Variants in APLP2 observed in about 807,000 individuals in gnomAD.
APLP2 encodes CDEI box-binding protein.
A neutral mutation model predicts 89.9 loss-of-function variants in APLP2; 53 were observed. The ratio of observed to expected loss-of-function variants is 0.59; its 90% CI spans 0.47 to 0.74. APLP2 has a LOEUF of 0.74. Ranked by LOEUF, APLP2 falls within the 30% of genes least tolerant of loss-of-function variation. The probability of loss-of-function intolerance (pLI) is 0.00; values close to 1 mark genes in which losing one functional copy is unlikely to be tolerated. For synonymous variants in APLP2, 372 were observed against 348.6 expected (o/e 1.07, Z -0.75); for missense variants, 973 against 975.9 (o/e 1.00, Z 0.04).
intron 1 of APLP2, among the ~76,000 whole-genome samples, chr11:130,088,584 T>TA (rs2135493425): frequency 6.6e-6 from 1 of 152,196 alleles, no homozygotes; most frequent in South Asian, 2.1e-4. Context: ...TCTGCTTCAC[T>TA]AACTTTAAAT....
chr11:130,097,241 G>C (rs1946328249), intron 1 of APLP2, among the ~76,000 whole-genome samples: 1 of 152,180 alleles, frequency 6.6e-6, no homozygotes, highest in Non-Finnish European at 1.5e-5. Context: ...CTAATAAAAT[G>C]TTTAGCGGAA....
intron 16 of APLP2, 117 bp downstream of exon 16, chr11:130,142,191 G>A: frequency 1.7e-6 from 2 of 1,167,858 alleles, no homozygotes; most frequent in South Asian, 2.1e-5. Flanking sequence ...GCTGTTATCA[G>A]TTCAGTTACT....
rs78214753 is a variant in APLP2 at position 130,077,105 on chromosome 11, A to G, written c.105+7023A>G. On this transcript the variant is annotated intron_variant, in intron 1 of 16. Coordinates refer to ENST00000338167, the MANE Select transcript of APLP2 (RefSeq NM_001142276.2). ...CTACAGGGGCATTCCCTGTCTGGGA[A>G]GTTATGTAGCTGGGATGGCTGAAAG... Among the ~76,000 whole-genome samples the G allele has an allele frequency of 1.8e-4, 27 of 152,350 alleles. No homozygotes were observed. The East Asian group carries it at 5.2e-3, about 29-fold the overall frequency.
At chr11:130,074,630 T>TA (rs1289128658) in intron 1 of APLP2, among the ~76,000 whole-genome samples, 4 of 152,206 alleles carry the variant, frequency 2.6e-5, no homozygotes, top group Non-Finnish European at 5.9e-5. Context: ...GTAAGAAATT[T>TA]AAAAGTACAG....
intron 12 of APLP2, 67 bp from the exon 13 acceptor site, chr11:130,135,496 G>C: frequency 3.0e-5 from 47 of 1,556,880 alleles, no homozygotes; most frequent in Non-Finnish European, 4.1e-5. Flanking sequence ...GAGCTCTAGA[G>C]CATCCTGTGC....
intron 1 of APLP2, chr11:130,070,752 G>A (rs1018658590): frequency 1.4e-6 from 2 of 1,428,022 alleles, no homozygotes; most frequent in African/African-American, 1.5e-5. Flanking sequence ...CTCTGGGTGC[G>A]TTGACCGCTT....
At chr11:130,070,453 G>A (rs912135386) in intron 1 of APLP2, 1 of 592,802 alleles carries the variant, frequency 1.7e-6, no homozygotes, top group Non-Finnish European at 2.2e-6. Flanking sequence ...CTCTCCCGCC[G>A]GAGTCCGCGG....
rs1950429533 is a variant in APLP2 at position 130,126,895 on chromosome 11, G to C, written c.1221+65G>C. 2.5e-6 allele frequency: 4 copies of C among 1,596,656 alleles called. No individual in the cohort carries two copies. In the South Asian group the frequency reaches 3.3e-5, roughly 13 times the overall value. On this transcript the variant is annotated intron_variant, in intron 8 of 16. Coordinates refer to ENST00000338167, the MANE Select transcript of APLP2 (RefSeq NM_001142276.2). The stretch of plus-strand genomic sequence containing the variant: ...TTTGGGTAGCATGGTTCTCATAGCT[G>C]AAGAAAAGTAATAGCTTCTCCCTAG...
chr11:130,105,285 G>A (rs919494216), intron 1 of APLP2, among the ~76,000 whole-genome samples: 25 of 152,132 alleles, frequency 1.6e-4, no homozygotes, highest in Admixed American at 9.2e-4. Flanking sequence ...GTGTGATGGC[G>A]CATGCCTGTG....
At position 130,141,554 on chromosome 11, in the gene APLP2, A is replaced by G. The variant is rs1952393790; in HGVS notation, c.1980A>G (p.Gly660=). The G allele has an allele frequency of 6.2e-7, 1 of 1,613,986 alleles. No individual in the cohort carries two copies. The highest frequency in any genetic ancestry group is 1.3e-5 in the African/African-American group (1 of 74,994). Reference sequence around the variant, plus strand: ...TGATTTTCAATGCCGAGAGAGTTGGAGGCCTCGAGGAAGAGCGGGTACGTG... The same window carrying G: ...TGATTTTCAATGCCGAGAGAGTTGGGGGCCTCGAGGAAGAGCGGGTACGTG... The part of the protein sequence containing the change: ...KEMIFNAERV[G]GLEEERESVG... Residue 660 remains glycine, a synonymous_variant, in exon 15 of 17, where the codon GGA becomes GGG. Transcript: ENST00000338167. This position sits in a 1 kb window ranked among gnomAD's most constrained non-coding sequence, Gnocchi z 4.2.
At chr11:130,128,854 G>A (rs76221604) in intron 9 of APLP2, among the ~76,000 whole-genome samples, 194 bp from the exon 10 acceptor site, 1,627 of 152,284 alleles carry the variant, frequency 0.011, 28 homozygotes, top group African/African-American at 0.037. Flanking sequence ...CTTTAAAGAA[G>A]GAAGTAATTC....
chr11:130,071,466 C>T (rs546909390), intron 1 of APLP2, among the ~76,000 whole-genome samples: 153 of 150,366 alleles, frequency 1.0e-3, no homozygotes, highest in African/African-American at 3.4e-3. Context: ...ATCTGTGATC[C>T]CTGATATGTC....
At chr11:130,124,433 T>C (rs999288890) in intron 7 of APLP2, among the ~76,000 whole-genome samples, 15 of 152,184 alleles carry the variant, frequency 9.9e-5, no homozygotes, top group Non-Finnish European at 2.1e-4. Context: ...GGTCAGTGGT[T>C]CAGTTGAGTT....
At chr11:130,099,503 G>A (rs1460274516) in intron 1 of APLP2, among the ~76,000 whole-genome samples, 2 of 152,266 alleles carry the variant, frequency 1.3e-5, no homozygotes, top group African/African-American at 4.8e-5. Flanking sequence ...GATCACAGAA[G>A]TGTTTTGATA....
chr11:130,115,948 T>C (rs2135877579), intron 3 of APLP2, among the ~76,000 whole-genome samples: 1 of 152,330 alleles, frequency 6.6e-6, no homozygotes, highest in South Asian at 2.1e-4. Context: ...GTTTCTGTAC[T>C]AAGTTAACTG....
At chr11:130,132,091 C>G (rs1950987502) in intron 11 of APLP2, among the ~76,000 whole-genome samples, 1 of 152,162 alleles carries the variant, frequency 6.6e-6, no homozygotes, top group South Asian at 2.1e-4. Context: ...AATTTGCAGT[C>G]TCCCGCTCTG....
intron 1 of APLP2, among the ~76,000 whole-genome samples, chr11:130,093,821 G>T (rs7111001): frequency 0.019 from 2,876 of 151,016 alleles, 23 homozygotes; most frequent in South Asian, 0.032. Context: ...TCACGTCACC[G>T]CAACCTCCGC....
intron 1 of APLP2, among the ~76,000 whole-genome samples, chr11:130,075,479 C>T (rs1352613852): frequency 6.6e-6 from 1 of 152,058 alleles, no homozygotes; most frequent in East Asian, 1.9e-4. Context: ...GTAGTAAAAC[C>T]AAATGTGGAT....
Position 130,143,547 on chromosome 11 carries a change from G to A in APLP2, c.*99G>A, listed in dbSNP as rs1489555214. The A allele has an allele frequency of 2.0e-6, 2 of 980,950 alleles. No homozygotes were observed. The highest frequency in any genetic ancestry group is 3.2e-6 in the Non-Finnish European group (2 of 618,628). 60.8% of individuals were successfully genotyped at this position (980,950 alleles called of 1,614,324 possible). The stretch of plus-strand genomic sequence containing the variant: ...CAAGCAGCAGCCGCTGCCAGGGGCT[G>A]CGTCTGACATCCTGACCTCCTGGAC... On this transcript the variant is annotated 3_prime_UTR_variant, in exon 17 of 17. Coordinates refer to ENST00000338167, the MANE Select transcript of APLP2 (RefSeq NM_001142276.2).
Sources: gnomAD v4.1 joint callset for allele counts (sites outside exome capture counted in the v4.1 genomes callset) on GRCh38, gnomAD v4.1.1 for gene constraint, Gnocchi (gnomAD v3.1) non-coding constraint, MANE v1.5 for transcripts, NCBI Gene and HGNC (gene_info 2026-07-23, HGNC 2026-07-21) for gene names.